The following HSDL2 variants were observed in gnomAD, a reference collection of about 807,000 sequenced individuals.
HSDL2 encodes hydroxysteroid dehydrogenase like 2.
HSDL2 carries 27 observed loss-of-function variants against 46.3 expected under a neutral mutation model. That is an observed-to-expected ratio of 0.58 (90% confidence interval 0.43 to 0.80). The LOEUF (loss-of-function observed/expected upper bound fraction) is 0.80. Among genes scored for constraint, HSDL2 ranks in the 30% least tolerant of loss-of-function variants. The pLI is 0.00. For missense variants in HSDL2, 451 were observed against 502.7 expected, an observed-to-expected ratio of 0.90 and a Z score of 0.98; for synonymous variants, 153 against 163.6, an observed-to-expected ratio of 0.94 and a Z score of 0.50.
chr9:112,434,857 A>G (rs1026220670), intron 6 of HSDL2, among the ~76,000 whole-genome samples: 6 of 152,252 alleles, frequency 3.9e-5, no homozygotes, highest in Non-Finnish European at 8.8e-5. Context: ...AGCTGTTATC[A>G]GGAGAATCAA....
intron 1 of HSDL2, among the ~76,000 whole-genome samples, chr9:112,400,706 G>A (rs1831570462): frequency 6.6e-6 from 1 of 152,222 alleles, no homozygotes; most frequent in Non-Finnish European, 1.5e-5. Flanking sequence ...GATGTCAGCA[G>A]GGCTGTGCTG....
chr9:112,410,364 T>A (rs1196674228), intron 4 of HSDL2, among the ~76,000 whole-genome samples: 1 of 152,254 alleles, frequency 6.6e-6, no homozygotes, highest in African/African-American at 2.4e-5. Context: ...GTAAGACTGC[T>A]TGGATTCAAA....
intron 8 of HSDL2, among the ~76,000 whole-genome samples, chr9:112,452,851 T>C (rs1832920427): frequency 6.6e-6 from 1 of 152,186 alleles, no homozygotes; most frequent in South Asian, 2.1e-4. Flanking sequence ...ATATGTTAAG[T>C]TGTTATAGCC....
intron 6 of HSDL2, among the ~76,000 whole-genome samples, chr9:112,427,669 A>G (rs531230895): frequency 3.3e-5 from 5 of 152,292 alleles, no homozygotes; most frequent in African/African-American, 1.2e-4. Flanking sequence ...TTATTTCTTG[A>G]AAAACCAGGT....
intron 9 of HSDL2, among the ~76,000 whole-genome samples, chr9:112,457,017 G>A (rs181833109): frequency 1.9e-4 from 29 of 152,186 alleles, no homozygotes; most frequent in African/African-American, 4.3e-4. Flanking sequence ...GCTTGGTGGC[G>A]CGTGCCTGTA....
At chr9:112,417,622 C>T (rs560758713) in intron 5 of HSDL2, among the ~76,000 whole-genome samples, 53 of 152,110 alleles carry the variant, frequency 3.5e-4, no homozygotes, top group Non-Finnish European at 6.3e-4. Context: ...TTTATTTCAG[C>T]ACAGTTCACT....
chr9:112,459,557 A>G lies in HSDL2; in HGVS notation c.1124A>G (p.Asp375Gly). 1.2e-6 allele frequency: 2 copies of G among 1,613,542 alleles called. No homozygotes were observed. The highest frequency in any genetic ancestry group is 1.7e-6 in the Non-Finnish European group (2 of 1,179,582). ...GTGGTGATGAGTATGACTACTGATGACTTTGTAAAAATGTTTTCAGGTGAG... is the reference window on the plus strand; with the variant it reads ...GTGGTGATGAGTATGACTACTGATGGCTTTGTAAAAATGTTTTCAGGTGAG... ...ADVVMSMTTD[D>G]FVKMFSGKLK... The change falls in exon 10 of 11, where the codon GAC becomes GGC. Residue 375 changes from aspartate (D) to glycine (G), a missense_variant. Physicochemically the swap from Asp to Gly is moderately conservative, Grantham distance 94. Transcript: ENST00000398805.
At chr9:112,407,341 T>C (rs1473630889) in intron 3 of HSDL2, among the ~76,000 whole-genome samples, 1 of 152,224 alleles carries the variant, frequency 6.6e-6, no homozygotes, top group Non-Finnish European at 1.5e-5. Context: ...AATTAGTTTA[T>C]CCACTAATTT....
At chr9:112,456,227 A>G (rs909798007) in intron 9 of HSDL2, among the ~76,000 whole-genome samples, 7 of 152,192 alleles carry the variant, frequency 4.6e-5, no homozygotes, top group Non-Finnish European at 8.8e-5. Flanking sequence ...CAAACCACAC[A>G]GCCCATCTTT....
intron 10 of HSDL2, among the ~76,000 whole-genome samples, chr9:112,466,560 A>C (rs1368055134): frequency 2.7e-5 from 2 of 73,994 alleles, no homozygotes; most frequent in East Asian, 6.8e-4. Flanking sequence ...AAAAAAAAAA[A>C]AAATCTTCAT....
At chr9:112,467,699 G>C (rs1393404064) in intron 10 of HSDL2, among the ~76,000 whole-genome samples, 1 of 152,160 alleles carries the variant, frequency 6.6e-6, no homozygotes, top group Non-Finnish European at 1.5e-5. Flanking sequence ...CCAACATTCA[G>C]TCCATGACAC....
At chr9:112,396,774 A>G (rs1380006619) in intron 1 of HSDL2, among the ~76,000 whole-genome samples, 1 of 152,192 alleles carries the variant, frequency 6.6e-6, no homozygotes, top group African/African-American at 2.4e-5. Flanking sequence ...ATGGTACTAC[A>G]GAGATTGACC....
chr9:112,439,282 G>GC (rs1325116449), intron 7 of HSDL2, among the ~76,000 whole-genome samples: 2 of 152,230 alleles, frequency 1.3e-5, no homozygotes, highest in Non-Finnish European at 2.9e-5. Flanking sequence ...ACAGGCGTGA[G>GC]CCACTGCACC....
At chr9:112,468,724 G>A (rs1476276452) in intron 10 of HSDL2, among the ~76,000 whole-genome samples, 1 of 152,092 alleles carries the variant, frequency 6.6e-6, no homozygotes, top group Non-Finnish European at 1.5e-5. Flanking sequence ...AGAGATTGTG[G>A]AATTTTTAAT....
At chr9:112,462,820 C>G (rs1198184118) in intron 10 of HSDL2, among the ~76,000 whole-genome samples, 1 of 152,186 alleles carries the variant, frequency 6.6e-6, no homozygotes, top group African/African-American at 2.4e-5. Flanking sequence ...AAAAAATTCT[C>G]TCATGTCTCT....
At chr9:112,467,329 T>C (rs1287445878) in intron 10 of HSDL2, among the ~76,000 whole-genome samples, 1 of 152,076 alleles carries the variant, frequency 6.6e-6, no homozygotes, top group South Asian at 2.1e-4. Context: ...ATTGTAGAAA[T>C]CCTTTTATAT....
chr9:112,401,777 G>T (rs10817334), intron 1 of HSDL2, among the ~76,000 whole-genome samples: 2 of 151,846 alleles, frequency 1.3e-5, no homozygotes, highest in Non-Finnish European at 1.5e-5. Context: ...CTGGGGTATT[G>T]GTAATATTCT....
intron 9 of HSDL2, among the ~76,000 whole-genome samples, chr9:112,459,027 AAAAC>A (rs1388294594): frequency 6.6e-6 from 1 of 152,088 alleles, no homozygotes; most frequent in Non-Finnish European, 1.5e-5. Flanking sequence ...AACAAAAACA[AAAAC>A]AAAACAATCA....
At chr9:112,401,331 G>A (rs1233682438) in intron 1 of HSDL2, among the ~76,000 whole-genome samples, 3 of 150,670 alleles carry the variant, frequency 2.0e-5, no homozygotes, top group African/African-American at 4.9e-5. Flanking sequence ...GGTAGTGCAC[G>A]CCTGTAGTCC....
Sources: allele counts gnomAD v4.1 joint callset (sites outside exome capture counted in the v4.1 genomes callset), GRCh38; gene constraint gnomAD v4.1.1; transcripts MANE v1.5; gene names NCBI Gene and HGNC (gene_info 2026-07-23, HGNC 2026-07-21).